IQSEC1: variants seen among roughly 807,000 people sequenced by gnomAD.
The protein encoded by IQSEC1 is IQ motif and Sec7 domain ArfGEF 1.
IQSEC1 carries 31 observed loss-of-function variants against 91.0 expected under a neutral mutation model. The observed-to-expected ratio is 0.34, with a 90% CI of 0.26 to 0.46. The LOEUF (loss-of-function observed/expected upper bound fraction) is 0.46, where lower values mean the gene tolerates loss of function less well. Among genes scored for constraint, IQSEC1 ranks in the 20% least tolerant of loss-of-function variants. The probability of loss-of-function intolerance (pLI) is 1.00; values close to 1 mark genes in which losing one functional copy is unlikely to be tolerated. For missense variants in IQSEC1, 1,388 were observed against 1,575.6 expected (o/e 0.88, Z 2.02); for synonymous variants, 699 against 662.6 (o/e 1.05, Z -0.84).
chr3:13,196,666 T>C (rs551799370), intron 1 of IQSEC1, among the ~76,000 whole-genome samples: 2 of 152,348 alleles, frequency 1.3e-5, no homozygotes, highest in Admixed American at 6.5e-5. Flanking sequence ...TCTGATTCCC[T>C]TTGCAAATGA....
intron 1 of IQSEC1, among the ~76,000 whole-genome samples, chr3:13,271,623 C>A (rs1429100963): frequency 6.6e-6 from 1 of 151,850 alleles, no homozygotes; most frequent in Non-Finnish European, 1.5e-5. Flanking sequence ...AAGCAAGACA[C>A]CATCTCTACA....
intron 8 of IQSEC1, 113 bp from the exon 9 acceptor site, chr3:12,913,666 G>C (rs1014837888): frequency 2.2e-5 from 24 of 1,092,704 alleles, no homozygotes; most frequent in Non-Finnish European, 2.7e-5. Context: ...CGTGGGCCTT[G>C]AGTTAAAAAA....
rs185165059 is a variant in IQSEC1 at position 12,901,261 on chromosome 3, C to A, written c.3067G>T (p.Ala1023Ser). The change falls in exon 14 of 14, where the codon GCC becomes TCC. Residue 1023 changes from alanine (A) to serine (S), a missense_variant. Physicochemically the swap from Ala to Ser is moderately conservative, Grantham distance 99. Coordinates refer to ENST00000613206, the MANE Select transcript of IQSEC1 (RefSeq NM_001134382.3). ...LGPPEGLPQAAMHGHHTQYCH... is the reference protein window; with the variant it reads ...LGPPEGLPQASMHGHHTQYCH... ...TACTGGGTGTGATGCCCGTGCATGG[C>A]GGCCTGCGGCAGCCCCTCTGGGGGC... 14 of 1,530,902 alleles carry A rather than the reference C, an allele frequency of 9.1e-6. No individual in the cohort carries two copies. The highest frequency in any genetic ancestry group is 1.7e-5 in the African/African-American group (1 of 59,742). The allele number at this position is 1,530,902 out of a possible 1,614,324, so 94.8% of individuals were successfully genotyped here. A position where few individuals can be genotyped will look rare whatever the true frequency, so the allele number is the denominator to read the frequency against.
chr3:13,090,863 C>G (rs997490266), intron 2 of IQSEC1, among the ~76,000 whole-genome samples: 2 of 152,182 alleles, frequency 1.3e-5, no homozygotes, highest in Admixed American at 6.5e-5. Context: ...CACTCAGGCA[C>G]AGACAGGCTG....
intron 1 of IQSEC1, among the ~76,000 whole-genome samples, chr3:13,044,224 C>T (rs113673043): frequency 3.3e-4 from 50 of 152,202 alleles, no homozygotes; most frequent in African/African-American, 9.7e-4. Context: ...ATCCCCCCAC[C>T]CCCAGGGACA....
chr3:12,958,394 T>C (rs894451560), intron 1 of IQSEC1, among the ~76,000 whole-genome samples: 1 of 152,148 alleles, frequency 6.6e-6, no homozygotes, highest in Non-Finnish European at 1.5e-5. Context: ...CCTGGGCAAA[T>C]GACTTGGCCT....
chr3:13,268,016 G>A (rs971677651), intron 1 of IQSEC1, among the ~76,000 whole-genome samples: 4 of 152,202 alleles, frequency 2.6e-5, no homozygotes, highest in Admixed American at 6.5e-5. Context: ...CACATTTGGG[G>A]GGATGGAAAA....
chr3:13,105,868 A>C (rs1706143854), intron 2 of IQSEC1, among the ~76,000 whole-genome samples: 1 of 152,242 alleles, frequency 6.6e-6, no homozygotes, highest in Non-Finnish European at 1.5e-5. Context: ...GCTGGCCTGC[A>C]GCATGTGGCT....
At chr3:13,051,966 A>G (rs1704707018) in intron 1 of IQSEC1, among the ~76,000 whole-genome samples, 1 of 152,216 alleles carries the variant, frequency 6.6e-6, no homozygotes, top group African/African-American at 2.4e-5. Context: ...AACAAAAGGT[A>G]CAAGATCCTG....
chr3:13,061,190 T>C (rs1054453660), intron 1 of IQSEC1, among the ~76,000 whole-genome samples: 1 of 152,064 alleles, frequency 6.6e-6, no homozygotes, highest in African/African-American at 2.4e-5. Context: ...ATGACCCATA[T>C]TATAGATGGG....
intron 2 of IQSEC1, among the ~76,000 whole-genome samples, chr3:13,107,837 C>T (rs1706176622): frequency 6.6e-6 from 1 of 152,204 alleles, no homozygotes; most frequent in Non-Finnish European, 1.5e-5. Context: ...GCCAGCCATA[C>T]ATGTCCGGAA....
In IQSEC1 at chr3:12,941,767, G is replaced by C; in HGVS notation, c.122C>G (p.Pro41Arg). The C allele has an allele frequency of 1.2e-6, 2 of 1,612,114 alleles. No homozygotes were observed. The highest frequency in any genetic ancestry group is 8.5e-7 in the Non-Finnish European group (1 of 1,179,888). The part of the protein sequence containing the change: ...GPLVPGSSLS[P>R]DHYEHTSVGA... Reference sequence around the variant, plus strand: ...CACTGACGTGTGCTCGTAGTGATCCGGGCTCAGGCTGGAACCGGGCACCAA... The same window carrying C: ...CACTGACGTGTGCTCGTAGTGATCCCGGCTCAGGCTGGAACCGGGCACCAA... The change falls in exon 2 of 14, where the codon CCG becomes CGG. Residue 41 changes from proline to arginine, a missense_variant. Physicochemically the swap from Pro to Arg is moderately radical, Grantham distance 103. Around this residue, in one of 2 missense-constraint regions of IQSEC1, gnomAD observed 1,059 missense variants for 1,317.8 expected, o/e 0.80. Coordinates refer to ENST00000613206, the MANE Select transcript of IQSEC1 (RefSeq NM_001134382.3).
chr3:13,209,913 C>T (rs1320887998), intron 1 of IQSEC1, among the ~76,000 whole-genome samples: 1 of 151,518 alleles, frequency 6.6e-6, no homozygotes, highest in African/African-American at 2.4e-5. Context: ...GCCCCACCAT[C>T]CTCCAACCTT....
Position 12,900,665 on chromosome 3 carries a change from G to T in IQSEC1, c.*318C>A, listed in dbSNP as rs1694162565. On this transcript the variant is annotated 3_prime_UTR_variant, in exon 14 of 14. Transcript: ENST00000613206. ...ATGCATGTACATTAGGGCACAGGGA[G>T]CTGAGAGCTGGAGTGGGGGAGGCAG... The T allele has an allele frequency of 7.0e-6, 9 of 1,282,416 alleles. No individual in the cohort carries two copies. Among genetic ancestry groups the T allele is most frequent in the Non-Finnish European group, 8.9e-6 (9 of 1,010,276 alleles). 79.4% of individuals were successfully genotyped at this position (1,282,416 alleles called of 1,614,324 possible).
At chr3:13,012,351 A>T (rs1702922075) in intron 1 of IQSEC1, among the ~76,000 whole-genome samples, 1 of 151,950 alleles carries the variant, frequency 6.6e-6, no homozygotes, top group African/African-American at 2.4e-5. Context: ...CTCATCTGCC[A>T]CCTCCTCCAG....
At chr3:13,024,329 C>T (rs1345367207) in intron 1 of IQSEC1, among the ~76,000 whole-genome samples, 1 of 152,110 alleles carries the variant, frequency 6.6e-6, no homozygotes, top group African/African-American at 2.4e-5. Context: ...ATCCACCCAT[C>T]CATCCATCTG....
At chr3:13,187,104 A>G (rs1693947079) in intron 1 of IQSEC1, among the ~76,000 whole-genome samples, 1 of 151,682 alleles carries the variant, frequency 6.6e-6, no homozygotes, top group Admixed American at 6.6e-5. Flanking sequence ...CCCACTATGC[A>G]TGTATCCACC....
rs138453478 is a variant in IQSEC1, at chr3:13,216,062, G to A, written c.273-51929C>T. On this transcript the variant is annotated intron_variant, in intron 1 of 15. Transcript: ENST00000648114. Reference sequence around the variant, plus strand: ...ACGGGTAGAGCCACTTCCTGGGGCTGGGCAGGCCCTCCAGAGCTCTGTCCA... The same window carrying A: ...ACGGGTAGAGCCACTTCCTGGGGCTAGGCAGGCCCTCCAGAGCTCTGTCCA... 1.0e-3 allele frequency among the ~76,000 whole-genome samples: 157 copies of A among 152,364 alleles called. 2 individuals carry two copies. Among genetic ancestry groups the A allele is most frequent in the Middle Eastern group, 6.8e-3 (2 of 294 alleles).
chr3:12,920,090 C>T (rs1311048348), intron 6 of IQSEC1, among the ~76,000 whole-genome samples: 1 of 152,224 alleles, frequency 6.6e-6, no homozygotes, highest in African/African-American at 2.4e-5. Flanking sequence ...TATCAAGTCC[C>T]CTTTTAAAAT....
Sources: gnomAD v4.1 joint callset for allele counts (sites outside exome capture counted in the v4.1 genomes callset) on GRCh38, gnomAD v4.1.1 for gene constraint, gnomAD v4.1.1 regional missense constraint, MANE v1.5 for transcripts, NCBI Gene and HGNC (gene_info 2026-07-23, HGNC 2026-07-21) for gene names.